Variants in ANKRD30B observed in about 807,000 individuals in gnomAD.
The protein encoded by ANKRD30B is ankyrin repeat domain-containing protein 30B.
A neutral mutation model predicts 202.2 loss-of-function variants in ANKRD30B; 144 were observed. The ratio of observed to expected loss-of-function variants is 0.71; its 90% confidence interval spans 0.62 to 0.82. The LOEUF is 0.82. Among genes scored for constraint, ANKRD30B ranks in the 40% least tolerant of loss-of-function variants. The pLI is 0.00. For synonymous variants in ANKRD30B, 508 were observed against 561.3 expected, an observed-to-expected ratio of 0.91 and a Z score of 1.34; for missense variants, 1,487 against 1,669.1, an observed-to-expected ratio of 0.89 and a Z score of 1.90.
At chr18:14,863,175 G>A in the ANKRD30B span, among the ~76,000 whole-genome samples, 3 of 152,288 alleles carry the variant, frequency 2.0e-5, no homozygotes, top group East Asian at 5.8e-4. Flanking sequence ...ATGAGATTTG[G>A]TGGGCATAGG....
At chr18:14,753,219 T>G (rs1251233781) in intron 3 of ANKRD30B, among the ~76,000 whole-genome samples, 1 of 152,210 alleles carries the variant, frequency 6.6e-6, no homozygotes, top group Non-Finnish European at 1.5e-5. Context: ...TTATGATAAA[T>G]ATTTGAATTT....
rs541728454 is a variant in ANKRD30B at position 14,752,924 on chromosome 18, C to T, written c.422C>T (p.Thr141Met). 4.4e-5 allele frequency: 70 copies of T among 1,604,474 alleles called. No homozygotes were observed. The highest frequency in any genetic ancestry group is 5.1e-5 in the Admixed American group (3 of 59,102). The change falls in exon 3 of 44, where the codon ACG becomes ATG. Residue 141 changes from threonine (T) to methionine (M), a missense_variant. This residue lies in a region of ANKRD30B where 889 missense variants were observed against 841.4 expected (regional missense o/e 1.06). Coordinates refer to ENST00000690538, the MANE Select transcript of ANKRD30B (RefSeq NM_001367607.2). ...AATTATGTAGATGTGTATGGCAACA[C>T]GGCTCTCCATTATGCCGTTTATAGT... The part of the protein sequence containing the change: ...DLNYVDVYGN[T>M]ALHYAVYSEN...
intron 41 of ANKRD30B, among the ~76,000 whole-genome samples, chr18:14,851,010 A>T (rs1398991624): frequency 6.6e-6 from 1 of 151,952 alleles, no homozygotes; most frequent in African/African-American, 2.4e-5. Context: ...TAATTCTTAC[A>T]ATTAACTATA....
intron 7 of ANKRD30B, among the ~76,000 whole-genome samples, chr18:14,767,036 C>T (rs1225954703): frequency 6.6e-6 from 1 of 152,144 alleles, no homozygotes; most frequent in African/African-American, 2.4e-5. Flanking sequence ...AAGATCCTAC[C>T]TAACTTTTTG....
At chr18:14,752,801 T>C in intron 2 of ANKRD30B, 38 bp from the exon 3 acceptor site, 1 of 1,573,804 alleles carries the variant, frequency 6.4e-7, no homozygotes, top group South Asian at 1.2e-5. Context: ...TTTGATTTCC[T>C]ATAATTTATA....
chr18:14,855,968 T>G (rs1598729577), downstream of ANKRD30B, among the ~76,000 whole-genome samples: 7 of 103,986 alleles, frequency 6.7e-5, no homozygotes, highest in South Asian at 7.1e-4. Flanking sequence ...TCCCAGATGA[T>G]GGGCAGCTGG....
the ANKRD30B span, among the ~76,000 whole-genome samples, chr18:14,912,971 T>C: frequency 6.6e-6 from 1 of 152,248 alleles, no homozygotes; most frequent in Non-Finnish European, 1.5e-5. Flanking sequence ...GTTATCCAAA[T>C]GTTTGCAATT....
At chr18:14,915,838 A>C in the ANKRD30B span, among the ~76,000 whole-genome samples, 2 of 152,212 alleles carry the variant, frequency 1.3e-5, no homozygotes, top group Non-Finnish European at 2.9e-5. Flanking sequence ...CACAAGTCAA[A>C]AGTATTCAGA....
At chr18:14,934,560 T>A in the ANKRD30B span, among the ~76,000 whole-genome samples, 4 of 152,122 alleles carry the variant, frequency 2.6e-5, no homozygotes, top group East Asian at 7.7e-4. Flanking sequence ...GACATAGTAC[T>A]CTGAAGCCAG....
chr18:14,865,660 G>T, the ANKRD30B span, among the ~76,000 whole-genome samples: 1 of 146,472 alleles, frequency 6.8e-6, no homozygotes. Context: ...TTTATGCAAT[G>T]CCTTCTCCAG....
At chr18:14,758,194 C>T (rs1206267944) in intron 5 of ANKRD30B, among the ~76,000 whole-genome samples, 3 of 152,126 alleles carry the variant, frequency 2.0e-5, no homozygotes, top group Non-Finnish European at 2.9e-5. Flanking sequence ...CACAGTGTCA[C>T]AATTTTGATT....
intron 34 of ANKRD30B, among the ~76,000 whole-genome samples, chr18:14,836,567 C>T (rs930267226): frequency 6.6e-6 from 1 of 152,188 alleles, no homozygotes; most frequent in African/African-American, 2.4e-5. Context: ...ATCTTTACAT[C>T]ACTGGAAAAG....
chr18:14,791,304 A>T, intron 15 of ANKRD30B, 97 bp from the exon 16 acceptor site: 1 of 1,002,572 alleles, frequency 1.0e-6, no homozygotes, highest in Non-Finnish European at 1.5e-6. Context: ...AAACTAGGAA[A>T]TTGTGTTTTT....
At position 14,752,573 on chromosome 18, in the gene ANKRD30B, C is replaced by T. The variant is rs1259070329; in HGVS notation, c.229C>T (p.Leu77=). ...GTCCTCTCACTCTCGTAGGACTGCT[C>T]TACACTGGGCCTGTGTCAATGGCCA... ...NKRDMKKRTA[L]HWACVNGHAE... The change falls in exon 2 of 44, where the codon CTA becomes TTA. Residue 77 remains leucine, a synonymous_variant. Coordinates refer to ENST00000690538, the MANE Select transcript of ANKRD30B (RefSeq NM_001367607.2). The T allele has an allele frequency of 6.2e-7, 1 of 1,611,942 alleles. No individual in the cohort carries two copies. Among genetic ancestry groups the T allele is most frequent in the South Asian group, 1.1e-5 (1 of 90,776 alleles).
chr18:14,866,752 C>T, the ANKRD30B span, among the ~76,000 whole-genome samples: 5 of 151,884 alleles, frequency 3.3e-5, no homozygotes, highest in South Asian at 2.1e-4. Flanking sequence ...GTGGCGCTAT[C>T]GGGCGTTGAA....
chr18:14,931,926 T>TCA, the ANKRD30B span, among the ~76,000 whole-genome samples: 1 of 103,534 alleles, frequency 9.7e-6, no homozygotes, highest in Non-Finnish European at 2.0e-5. Context: ...TCCCTCCTGC[T>TCA]CTGTCCCGGG....
Position 14,769,383 on chromosome 18 carries a change from T to G in ANKRD30B, c.1256+10T>G, listed in dbSNP as rs1916745157. 6.5e-7 allele frequency: 1 copy of G among 1,544,526 alleles called. No homozygotes were observed. Among genetic ancestry groups the G allele is most frequent in the African/African-American group, 1.4e-5 (1 of 72,910 alleles). ...TAGAGCCTATATTCAGGTAAGACTT[T>G]GCGGTTTTTTAAAACGAATAGGTTA... On this transcript the variant is annotated intron_variant, in intron 8 of 43. Coordinates refer to ENST00000690538, the MANE Select transcript of ANKRD30B (RefSeq NM_001367607.2).
At chr18:14,780,103 T>G in intron 11 of ANKRD30B, 82 bp downstream of exon 11, 1 of 1,070,112 alleles carries the variant, frequency 9.3e-7, no homozygotes. Flanking sequence ...AGGCTTTGAC[T>G]TGGTTCTCTT....
At chr18:14,893,650 C>T in the ANKRD30B span, among the ~76,000 whole-genome samples, 4 of 152,042 alleles carry the variant, frequency 2.6e-5, no homozygotes, top group African/African-American at 2.4e-5. Flanking sequence ...AAATCCTACC[C>T]TCCAAATCAG....
Sources: gnomAD v4.1 joint callset for allele counts (sites outside exome capture counted in the v4.1 genomes callset) on GRCh38, gnomAD v4.1.1 for gene constraint, gnomAD v4.1.1 regional missense constraint, MANE v1.5 for transcripts, NCBI Gene and HGNC (gene_info 2026-07-23, HGNC 2026-07-21) for gene names.